Variants in PREX1 observed in about 807,000 individuals in gnomAD.
The protein encoded by PREX1 is phosphatidylinositol 3,4,5-trisphosphate-dependent Rac exchanger 1 protein.
PREX1 carries 41 observed loss-of-function variants against 198.3 expected under a neutral mutation model. That is an observed-to-expected ratio of 0.21 (90% CI 0.16 to 0.27). The LOEUF is 0.27. PREX1 is among the 10% of genes least tolerant of loss of function. The pLI is 1.00. For synonymous variants in PREX1, 843 were observed against 887.2 expected (o/e 0.95, Z 0.89); for missense variants, 1,620 against 2,200.7 (o/e 0.74, Z 5.28).
intron 1 of PREX1, among the ~76,000 whole-genome samples, chr20:48,824,708 C>T (rs2090501195): frequency 6.6e-6 from 1 of 152,148 alleles, no homozygotes; most frequent in Non-Finnish European, 1.5e-5. Flanking sequence ...TGCCCAAGGT[C>T]ACAAGTCCAA....
chr20:48,708,174 A>T, intron 6 of PREX1, 86 bp downstream of exon 6: 1 of 1,407,220 alleles, frequency 7.1e-7, no homozygotes, highest in Non-Finnish European at 9.7e-7. Context: ...GCAGACTGAC[A>T]GGTGCCCAGG....
At chr20:48,808,783 CG>C (rs1474438186) in intron 1 of PREX1, among the ~76,000 whole-genome samples, 2 of 152,124 alleles carry the variant, frequency 1.3e-5, no homozygotes, top group African/African-American at 4.8e-5. Context: ...CTGGCCATTC[CG>C]GCCTCCGTGT....
chr20:48,760,293 A>G (rs2090173501), intron 1 of PREX1, among the ~76,000 whole-genome samples: 1 of 151,800 alleles, frequency 6.6e-6, no homozygotes, highest in Admixed American at 6.6e-5. Context: ...TTTATCCCAC[A>G]CTATTTTTAC....
chr20:48,744,004 G>A (rs1239191388), intron 3 of PREX1, among the ~76,000 whole-genome samples: 1 of 149,306 alleles, frequency 6.7e-6, no homozygotes, highest in East Asian at 2.0e-4. Context: ...TGATGATGAT[G>A]ATGATGATGA....
At chr20:48,717,826 C>T (rs2089968975) in intron 5 of PREX1, among the ~76,000 whole-genome samples, 1 of 152,200 alleles carries the variant, frequency 6.6e-6, no homozygotes, top group East Asian at 1.9e-4. Flanking sequence ...AGTTCCTGTT[C>T]TGGCTTTGAT....
At chr20:48,692,841 A>G (rs369363888) in intron 7 of PREX1, 51 bp from the exon 8 acceptor site, 14 of 1,450,554 alleles carry the variant, frequency 9.7e-6, no homozygotes, top group Non-Finnish European at 1.4e-5. Flanking sequence ...TCCCAGATGC[A>G]ACTGTTTTCA....
chr20:48,670,575 G>A (rs1004595432), intron 14 of PREX1, among the ~76,000 whole-genome samples: 1 of 152,204 alleles, frequency 6.6e-6, no homozygotes, highest in Non-Finnish European at 1.5e-5. Context: ...GAGGTGAAGA[G>A]AGCAAACTCC....
chr20:48,670,299 T>TCTGCCCCTGCCCCTGCCC (rs57096004), intron 14 of PREX1, among the ~76,000 whole-genome samples: 3 of 145,058 alleles, frequency 2.1e-5, no homozygotes, highest in Admixed American at 6.9e-5. Flanking sequence ...CCAACCCCTC[T>TCTGCCCCTGCCCCTGCCC]CTGCCCCTGC....
At chr20:48,867,180 A>G in the PREX1 span, among the ~76,000 whole-genome samples, 1 of 152,218 alleles carries the variant, frequency 6.6e-6, no homozygotes, top group Middle Eastern at 3.2e-3. Context: ...ACAGGAACAG[A>G]GGAATTGTTC....
intron 3 of PREX1, among the ~76,000 whole-genome samples, chr20:48,742,521 A>G (rs1249238621): frequency 2.0e-5 from 3 of 152,136 alleles, no homozygotes; most frequent in Non-Finnish European, 4.4e-5. Flanking sequence ...TTGATCTCCC[A>G]GGCCCAGGGA....
At chr20:48,768,825 G>C (rs1039286178) in intron 1 of PREX1, among the ~76,000 whole-genome samples, 1 of 152,076 alleles carries the variant, frequency 6.6e-6, no homozygotes, top group African/African-American at 2.4e-5. Flanking sequence ...GACTGGCAAG[G>C]GGCTCAAGGG....
At chr20:48,702,290 A>G (rs1051114538) in intron 6 of PREX1, among the ~76,000 whole-genome samples, 1 of 152,056 alleles carries the variant, frequency 6.6e-6, no homozygotes, top group African/African-American at 2.4e-5. Flanking sequence ...GCCTGGGATC[A>G]CACAGGTCTC....
In PREX1 at chr20:48,658,174, C is replaced by G. The variant is rs1361909251; in HGVS notation, c.1936G>C (p.Val646Leu). 1 of 1,614,224 alleles carries G rather than the reference C, an allele frequency of 6.2e-7. No homozygotes were observed. Among genetic ancestry groups the G allele is most frequent in the African/African-American group, 1.3e-5 (1 of 75,074 alleles). The change falls in exon 17 of 40, where the codon GTG becomes CTG. Residue 646 changes from valine to leucine, a missense_variant. Transcript: ENST00000371941. ...GFDIEEKNKA[V>L]VVKSVQRGSL... ...CCCCTCTGGACGGACTTCACCACCA[C>G]AGCCTTGTTCTTCTCCTCGATGTCA...
chr20:48,664,855 G>A (rs1040285633), intron 15 of PREX1, among the ~76,000 whole-genome samples: 6 of 146,216 alleles, frequency 4.1e-5, no homozygotes, highest in African/African-American at 1.5e-4. Flanking sequence ...GGCTCCAGAC[G>A]GCCTGAATTC....
At chr20:48,850,972 G>T in the PREX1 span, among the ~76,000 whole-genome samples, 2 of 152,172 alleles carry the variant, frequency 1.3e-5, no homozygotes, top group African/African-American at 4.8e-5. Context: ...TGGCTGGGAT[G>T]GGGGGAATCA....
At chr20:48,877,271 CAAAA>C in the PREX1 span, among the ~76,000 whole-genome samples, 3 of 112,814 alleles carry the variant, frequency 2.7e-5, no homozygotes, top group Non-Finnish European at 5.6e-5. Flanking sequence ...AACTCCATCT[CAAAA>C]AAAAAAAAAG....
chr20:48,863,450 G>A, the PREX1 span, among the ~76,000 whole-genome samples: 1 of 149,578 alleles, frequency 6.7e-6, no homozygotes, highest in African/African-American at 2.5e-5. Context: ...ATCCCTCCCC[G>A]CTCCTTCTCC....
At chr20:48,748,227 C>T (rs1479704923) in intron 1 of PREX1, among the ~76,000 whole-genome samples, 1 of 152,178 alleles carries the variant, frequency 6.6e-6, no homozygotes, top group Non-Finnish European at 1.5e-5. Context: ...GCCTCTCAGA[C>T]TCTAATTCAT....
At chr20:48,804,506 G>A (rs1343885291) in intron 1 of PREX1, among the ~76,000 whole-genome samples, 2 of 152,254 alleles carry the variant, frequency 1.3e-5, no homozygotes, top group African/African-American at 2.4e-5. Flanking sequence ...CCTGAGGCAG[G>A]AGTGTGCTGG....
Sources: gnomAD v4.1 joint callset for allele counts (sites outside exome capture counted in the v4.1 genomes callset) on GRCh38, gnomAD v4.1.1 for gene constraint, MANE v1.5 for transcripts, NCBI Gene and HGNC (gene_info 2026-07-23, HGNC 2026-07-21) for gene names.